The following SNRNP200 variants were observed in gnomAD, a reference collection of about 807,000 sequenced individuals.
The protein encoded by SNRNP200 is U5 small nuclear ribonucleoprotein 200 kDa helicase.
SNRNP200 carries 66 observed loss-of-function variants against 255.2 expected under a neutral mutation model. The observed-to-expected ratio is 0.26, with a 90% CI of 0.21 to 0.32. SNRNP200 has a LOEUF of 0.32. Ranked by LOEUF, SNRNP200 falls within the 10% of genes least tolerant of loss-of-function variation. The probability of loss-of-function intolerance (pLI) is 1.00; values close to 1 mark genes in which losing one functional copy is unlikely to be tolerated. For missense variants in SNRNP200, 1,585 were observed against 2,749.8 expected, an observed-to-expected ratio of 0.58 and a Z score of 9.47; for synonymous variants, 939 against 1,027.8, an observed-to-expected ratio of 0.91 and a Z score of 1.65.
chr2:96,286,597 C>A lies in SNRNP200; in HGVS notation c.3829+91G>T. The A allele has an allele frequency of 6.3e-7, 1 of 1,588,158 alleles. No individual in the cohort carries two copies. The stretch of plus-strand genomic sequence containing the variant: ...GGCAGCATATGTATCACTCTGTCCC[C>A]AGCAAGGGCAAGCCCGGGACAAAGT... On this transcript the variant is annotated intron_variant, in intron 28 of 44. Coordinates refer to ENST00000323853, the MANE Select transcript of SNRNP200 (RefSeq NM_014014.5). The surrounding 1 kb of genome is among the most constrained non-coding windows in gnomAD (Gnocchi z 4.8).
At chr2:96,298,449 T>G (rs2063932821) in intron 8 of SNRNP200, 29 bp from the exon 9 acceptor site, 3 of 1,613,556 alleles carry the variant, frequency 1.9e-6, no homozygotes, top group Non-Finnish European at 2.5e-6. Context: ...ACAAAGGAAG[T>G]GAGGAGGAGG....
At chr2:96,292,088 C>T (rs2063887724) in intron 16 of SNRNP200, among the ~76,000 whole-genome samples, 188 bp from the exon 17 acceptor site, 1 of 152,194 alleles carries the variant, frequency 6.6e-6, no homozygotes, top group African/African-American at 2.4e-5. Context: ...AATGCACCCA[C>T]CAAGTTCACA....
intron 43 of SNRNP200, chr2:96,276,501 A>C: frequency 4.0e-6 from 1 of 247,930 alleles, no homozygotes; most frequent in Non-Finnish European, 8.0e-6. Flanking sequence ...GGCTCGCTGC[A>C]GCCTCCGCCT....
Position 96,296,979 on chromosome 2 carries a change from C to A in SNRNP200, c.1469G>T (p.Arg490Leu). ...TLNRIQSKLY[R>L]AALETDENLL... ...ATTCTCATCCGTCTCAAGGGCAGCA[C>A]GGTAGAGCTTACTCTGGATCCGATT... Residue 490 changes from arginine to leucine, a missense_variant, in exon 12 of 45, where the codon CGT becomes CTT. Coordinates refer to ENST00000323853, the MANE Select transcript of SNRNP200 (RefSeq NM_014014.5). 5 of 1,614,206 alleles carry A rather than the reference C, an allele frequency of 3.1e-6. No individual in the cohort carries two copies. Among genetic ancestry groups the A allele is most frequent in the Non-Finnish European group, 4.2e-6 (5 of 1,180,040 alleles).
intron 13 of SNRNP200, among the ~76,000 whole-genome samples, chr2:96,296,123 CCT>C (rs984858388): frequency 6.6e-6 from 1 of 151,814 alleles, no homozygotes; most frequent in African/African-American, 2.4e-5. Flanking sequence ...ACAGCGAGAC[CCT>C]GTCTCAAAAA....
chr2:96,292,868 G>T, intron 16 of SNRNP200, 104 bp downstream of exon 16: 2 of 1,360,964 alleles, frequency 1.5e-6, no homozygotes, highest in Non-Finnish European at 2.1e-6. Context: ...GGTGATTTAT[G>T]TTGTGTCTTC....
chr2:96,280,349 T>C (rs993237726), intron 35 of SNRNP200, among the ~76,000 whole-genome samples: 5 of 151,866 alleles, frequency 3.3e-5, no homozygotes, highest in African/African-American at 1.2e-4. Context: ...AAAGGAAAAA[T>C]TAGCTGGGAG....
chr2:96,284,607 C>T (rs1420807466), intron 30 of SNRNP200, 22 bp from the exon 31 acceptor site: 1 of 1,509,738 alleles, frequency 6.6e-7, no homozygotes, highest in African/African-American at 1.4e-5. Context: ...AGGAGGGAGG[C>T]AGAACAACAC....
In SNRNP200 at chr2:96,281,863, G is replaced by A; in HGVS notation, c.4975C>T (p.His1659Tyr). Residue 1659 changes from histidine (H) to tyrosine (Y), a missense_variant, in exon 35 of 45, where the codon CAC (histidine) becomes TAC (tyrosine). Transcript: ENST00000323853. ...TGGGTATCCATGATGATTACCAGGT[G>A]GGCAGCCACGTTCATGCCCCAGCAG... ...SLCWGMNVAA[H>Y]LVIIMDTQYY... The A allele has an allele frequency of 1.2e-6, 2 of 1,614,104 alleles. No individual in the cohort carries two copies. The highest frequency in any genetic ancestry group is 1.7e-6 in the Non-Finnish European group (2 of 1,179,990).
intron 34 of SNRNP200, 161 bp from the exon 35 acceptor site, chr2:96,282,083 G>C (rs1684770503): frequency 4.8e-6 from 3 of 629,540 alleles, no homozygotes; most frequent in Admixed American, 4.7e-5. Context: ...CTAACACATT[G>C]CTATGAGGTA....
intron 30 of SNRNP200, 133 bp downstream of exon 30, chr2:96,285,047 G>A: frequency 9.1e-7 from 1 of 1,101,796 alleles, no homozygotes; most frequent in Non-Finnish European, 1.4e-6. Flanking sequence ...ACCACGCTTG[G>A]CTGGGGCAGC....
intron 8 of SNRNP200, 28 bp from the exon 9 acceptor site, chr2:96,298,448 G>A (rs1188871622): frequency 6.2e-7 from 1 of 1,613,992 alleles, no homozygotes; most frequent in Non-Finnish European, 8.5e-7. Context: ...AACAAAGGAA[G>A]TGAGGAGGAG....
intron 9 of SNRNP200, 99 bp from the exon 10 acceptor site, chr2:96,297,819 G>A: frequency 7.9e-7 from 1 of 1,260,398 alleles, no homozygotes; most frequent in Non-Finnish European, 1.2e-6. Flanking sequence ...AGTCACAGGT[G>A]CTGACTAGTA....
rs776724799 is a variant in SNRNP200 at position 96,290,422 on chromosome 2, G to A, written c.2646C>T (p.Leu882=). 63 of 1,614,070 alleles carry A rather than the reference G, an allele frequency of 3.9e-5. No homozygotes were observed. Among genetic ancestry groups the A allele is most frequent in the Non-Finnish European group, 5.3e-5 (62 of 1,180,034 alleles). The stretch of plus-strand genomic sequence containing the variant: ...TTTCAATAGGAAGTTGTTGATTGAG[G>A]AGGGACAGGTAGTACTGTAGCTCCC... ...SHGELQYYLS[L]LNQQLPIESQ... is the part of the protein sequence containing the mutation. The change falls in exon 20 of 45, where the codon CTC becomes CTT. Residue 882 remains leucine (L), a synonymous_variant. Coordinates refer to ENST00000323853, the MANE Select transcript of SNRNP200 (RefSeq NM_014014.5). This position sits in a 1 kb window ranked among gnomAD's most constrained non-coding sequence, Gnocchi z 4.5.
At chr2:96,299,261 G>A (rs939909963) in intron 6 of SNRNP200, 68 bp downstream of exon 6, 1 of 1,380,802 alleles carries the variant, frequency 7.2e-7, no homozygotes, top group South Asian at 1.2e-5. Context: ...CAGGACCTAG[G>A]CATGGGGAAG....
At position 96,283,295 on chromosome 2, in the gene SNRNP200, G is replaced by A. The variant is rs1300558552; in HGVS notation, c.4821C>T (p.Ser1607=). The A allele has an allele frequency of 3.1e-6, 5 of 1,614,140 alleles. No individual in the cohort carries two copies. The highest frequency in any genetic ancestry group is 1.6e-4 in the Middle Eastern group (1 of 6,062). The change falls in exon 34 of 45, where the codon AGC becomes AGT. Residue 1607 remains serine, a synonymous_variant. Coordinates refer to ENST00000323853, the MANE Select transcript of SNRNP200 (RefSeq NM_014014.5). This position sits in a 1 kb window ranked among gnomAD's most constrained non-coding sequence, Gnocchi z 4.7. Reference sequence around the variant, plus strand: ...CATTTAGCAGCGTTTCCTTGAGCGTGCTGTCACTTAGCTTCTCCAGGTACG... The same window carrying A: ...CATTTAGCAGCGTTTCCTTGAGCGTACTGTCACTTAGCTTCTCCAGGTACG... The part of the protein sequence containing the change: ...LIPYLEKLSD[S]TLKETLLNGV...
rs1170907858 is a variant in SNRNP200, at chr2:96,297,777, GT to G, written c.1120-58del. On this transcript the variant is annotated intron_variant, in intron 9 of 44. Coordinates refer to ENST00000323853, the MANE Select transcript of SNRNP200 (RefSeq NM_014014.5). ...CAATTCATCAGTATCATAGGTTCTT[GT>G]CCTTTTCTGCCCCTGCTTAGCTAAT... is the stretch of plus-strand genomic sequence containing the variant. 8 of 1,584,422 alleles carry G rather than the reference GT, an allele frequency of 5.0e-6. No individual in the cohort carries two copies. The Admixed American group carries it at 1.0e-4, about 20-fold the overall frequency.
At chr2:96,296,449 A>C in intron 13 of SNRNP200, 87 bp downstream of exon 13, 1 of 1,357,422 alleles carries the variant, frequency 7.4e-7, no homozygotes, top group Non-Finnish European at 1.0e-6. Flanking sequence ...AGATGCCCTA[A>C]TACAAGAAGC....
chr2:96,296,084 G>A (rs555321848), intron 13 of SNRNP200, among the ~76,000 whole-genome samples: 1 of 152,264 alleles, frequency 6.6e-6, no homozygotes, highest in South Asian at 2.1e-4. Context: ...AGTGAGCCAT[G>A]ATTGTGCCAT....
Sources: gnomAD v4.1 joint callset for allele counts (sites outside exome capture counted in the v4.1 genomes callset) on GRCh38, gnomAD v4.1.1 for gene constraint, Gnocchi (gnomAD v3.1) non-coding constraint, MANE v1.5 for transcripts, NCBI Gene and HGNC (gene_info 2026-07-23, HGNC 2026-07-21) for gene names.